The following DIS3L2 variants were observed in gnomAD, a reference collection of about 807,000 sequenced individuals.
DIS3L2 encodes the protein DIS3-like exonuclease 2.
Under a neutral mutation model 97.5 loss-of-function variants are expected in DIS3L2, and 34 were observed. The ratio of observed to expected loss-of-function variants is 0.35; its 90% confidence interval spans 0.27 to 0.46. The LOEUF (loss-of-function observed/expected upper bound fraction) is 0.46, where lower values mean the gene tolerates loss of function less well. Among genes scored for constraint, DIS3L2 ranks in the 20% least tolerant of loss-of-function variants. The pLI, the probability that DIS3L2 is intolerant of heterozygous loss-of-function variation, is 1.00. For synonymous variants in DIS3L2, 435 were observed against 445.2 expected (o/e 0.98, Z 0.29); for missense variants, 1,038 against 1,146.0 (o/e 0.91, Z 1.36).
chr2:231,981,598 TTATATATATATATATATATA>T (rs10669283), intron 1 of DIS3L2, among the ~76,000 whole-genome samples: 157 of 84,056 alleles, frequency 1.9e-3, no homozygotes, highest in African/African-American at 5.5e-3. Context: ...GTTAAGTATT[TTATATATATATATATATATA>T]TATATATATA....
At position 232,292,696 on chromosome 2, in the gene DIS3L2, C is replaced by T. The variant is rs997036396; in HGVS notation, c.1660-7344C>T. Among the ~76,000 whole-genome samples, 2 of 152,226 alleles carry T rather than the reference C, an allele frequency of 1.3e-5. No homozygotes were observed. Among genetic ancestry groups the T allele is most frequent in the African/African-American group, 2.4e-5 (1 of 41,466 alleles). On this transcript the variant is annotated intron_variant, in intron 13 of 20. Transcript: ENST00000325385. This position sits in a 1 kb window ranked among gnomAD's most constrained non-coding sequence, Gnocchi z 4.4. ...AGCCTGCCCTCCTGTGTGACCTCAGCCTGAGCCCCTGAAAGGAGAAGGCTC... is the reference window on the plus strand; with the variant it reads ...AGCCTGCCCTCCTGTGTGACCTCAGTCTGAGCCCCTGAAAGGAGAAGGCTC...
At chr2:232,195,109 A>G (rs575807516) in intron 9 of DIS3L2, among the ~76,000 whole-genome samples, 22 of 152,324 alleles carry the variant, frequency 1.4e-4, no homozygotes, top group Admixed American at 1.0e-3. Flanking sequence ...TAAAAGACAT[A>G]TAATTCTAAG....
intron 13 of DIS3L2, among the ~76,000 whole-genome samples, chr2:232,265,919 C>CA (rs1325115435): frequency 3.3e-5 from 5 of 152,116 alleles, no homozygotes; most frequent in African/African-American, 1.2e-4. Context: ...CTTACATTTA[C>CA]AAAAAATTAG....
intron 6 of DIS3L2, among the ~76,000 whole-genome samples, chr2:232,103,875 A>G (rs567354385): frequency 6.6e-6 from 1 of 152,256 alleles, no homozygotes; most frequent in African/African-American, 2.4e-5. Flanking sequence ...TGATAATTAT[A>G]TTTTCCAGGA....
chr2:232,113,043 A>G (rs1697587218), intron 6 of DIS3L2, among the ~76,000 whole-genome samples: 3 of 152,214 alleles, frequency 2.0e-5, no homozygotes, highest in Admixed American at 2.0e-4. Context: ...GGTTTTGCAG[A>G]ATTATCTATG....
intron 9 of DIS3L2, among the ~76,000 whole-genome samples, chr2:232,207,548 T>G (rs749920605): frequency 6.6e-6 from 1 of 152,198 alleles, no homozygotes; most frequent in Non-Finnish European, 1.5e-5. Context: ...CTTCTGTATA[T>G]CTTGAGGCTT....
In DIS3L2 at chr2:232,333,960, G is replaced by A; in HGVS notation, c.2131G>A (p.Val711Met). Residue 711 changes from valine to methionine, a missense_variant, in exon 17 of 21, where the codon GTG (valine) becomes ATG (methionine). Physicochemically the swap from Val to Met is conservative, Grantham distance 21. Transcript: ENST00000325385. Reference sequence around the variant, plus strand: ...CATCCGCCGCTTTGCCGACGTCCTGGTGCACCGCCTCCTGGCTGCCGCGTT... The same window carrying A: ...CATCCGCCGCTTTGCCGACGTCCTGATGCACCGCCTCCTGGCTGCCGCGTT... The part of the protein sequence containing the change: ...SPIRRFADVL[V>M]HRLLAAALGY... 1.2e-6 allele frequency: 2 copies of A among 1,612,508 alleles called. No individual in the cohort carries two copies. Among genetic ancestry groups the A allele is most frequent in the Non-Finnish European group, 1.7e-6 (2 of 1,179,732 alleles).
At position 232,275,562 on chromosome 2, in the gene DIS3L2, G is replaced by A. The variant is rs564128394; in HGVS notation, c.1659+12122G>A. Among the ~76,000 whole-genome samples the A allele has an allele frequency of 3.0e-4, 45 of 152,322 alleles. No individual in the cohort carries two copies. In the South Asian group the frequency reaches 7.9e-3, roughly 27 times the overall value. On this transcript the variant is annotated intron_variant, in intron 13 of 20. Coordinates refer to ENST00000325385, the MANE Select transcript of DIS3L2 (RefSeq NM_152383.5). ...ACATTTTTAAAAGAGTGATAGTATT[G>A]TAGCACGGTTTGTTTTGCTTTATAA...
chr2:232,169,273 C>A (rs1690912832), intron 9 of DIS3L2, among the ~76,000 whole-genome samples: 1 of 152,042 alleles, frequency 6.6e-6, no homozygotes, highest in Admixed American at 6.6e-5. Flanking sequence ...CTAATAAAAT[C>A]AAACCTTTTT....
chr2:232,155,327 TC>T (rs1210990859), intron 8 of DIS3L2, among the ~76,000 whole-genome samples: 1 of 152,046 alleles, frequency 6.6e-6, no homozygotes, highest in East Asian at 1.9e-4. Context: ...TTGTCCTCCC[TC>T]CTCCTCACCC....
chr2:232,223,956 T>C (rs72994263), intron 10 of DIS3L2, among the ~76,000 whole-genome samples: 1,823 of 152,228 alleles, frequency 0.012, 17 homozygotes, highest in Non-Finnish European at 0.018. Flanking sequence ...GATGTGGTGG[T>C]GCACGTCTAT....
intron 14 of DIS3L2, among the ~76,000 whole-genome samples, chr2:232,317,139 TAG>T (rs1359899434): frequency 6.6e-6 from 1 of 152,106 alleles, no homozygotes. Context: ...CATTTGTGGG[TAG>T]AGTGTGGAGA....
chr2:232,339,433 TGA>T (rs1299591756), downstream of DIS3L2, among the ~76,000 whole-genome samples: 2 of 152,002 alleles, frequency 1.3e-5, no homozygotes, highest in East Asian at 1.9e-4. Context: ...GAGGAAGGGC[TGA>T]GAGGGGACAG....
intron 6 of DIS3L2, among the ~76,000 whole-genome samples, chr2:232,091,873 T>C (rs554597192): frequency 6.6e-6 from 1 of 152,314 alleles, no homozygotes; most frequent in Admixed American, 6.5e-5. Context: ...CTCATTGCAG[T>C]TTTGACTTGC....
intron 1 of DIS3L2, among the ~76,000 whole-genome samples, chr2:231,985,457 CAG>C: frequency 1.3e-5 from 2 of 152,262 alleles, no homozygotes; most frequent in South Asian, 4.1e-4. Context: ...ATGCATGCAT[CAG>C]AGCTTGCTTA....
chr2:232,026,972 C>A (rs1469359855), intron 4 of DIS3L2, among the ~76,000 whole-genome samples: 3 of 152,074 alleles, frequency 2.0e-5, no homozygotes, highest in Non-Finnish European at 4.4e-5. Flanking sequence ...AAAAACAATT[C>A]ACCTCTAGGT....
chr2:232,310,844 C>T (rs907138096), intron 14 of DIS3L2, among the ~76,000 whole-genome samples: 2 of 152,362 alleles, frequency 1.3e-5, no homozygotes, highest in South Asian at 4.1e-4. Context: ...CCTGGGGCAG[C>T]ACAGCTGCCT....
chr2:232,035,065 GT>G (rs1236648812), intron 5 of DIS3L2, among the ~76,000 whole-genome samples: 5 of 152,256 alleles, frequency 3.3e-5, no homozygotes, highest in Admixed American at 6.5e-5. Flanking sequence ...TATTGACAGT[GT>G]CTTTTTGTCT....
intron 1 of DIS3L2, among the ~76,000 whole-genome samples, chr2:231,991,852 G>A (rs779240224): frequency 7.2e-5 from 11 of 152,164 alleles, no homozygotes; most frequent in Admixed American, 2.0e-4. Context: ...ACTTCATTCA[G>A]TAAGCATTTC....
Sources: allele counts gnomAD v4.1 joint callset (sites outside exome capture counted in the v4.1 genomes callset), GRCh38; gene constraint gnomAD v4.1.1; non-coding constraint Gnocchi (gnomAD v3.1); transcripts MANE v1.5; gene names NCBI Gene and HGNC (gene_info 2026-07-23, HGNC 2026-07-21).